The following ACBD6 variants were observed in gnomAD, a reference collection of about 807,000 sequenced individuals.
The protein encoded by ACBD6 is acyl-CoA-binding domain-containing protein 6.
ACBD6 carries 28 observed loss-of-function variants against 37.2 expected under a neutral mutation model. The ratio of observed to expected loss-of-function variants is 0.75; its 90% CI spans 0.56 to 1.03. ACBD6 has a LOEUF of 1.03. Among genes scored for constraint, ACBD6 ranks in the 50% least tolerant of loss-of-function variants. The pLI is 0.00. For synonymous variants in ACBD6, 113 were observed against 126.8 expected (o/e 0.89, Z 0.73); for missense variants, 340 against 337.4 (o/e 1.01, Z -0.06).
At chr1:180,473,660 G>C (rs1184809333) in intron 3 of ACBD6, among the ~76,000 whole-genome samples, 1 of 152,102 alleles carries the variant, frequency 6.6e-6, no homozygotes, top group Non-Finnish European at 1.5e-5. Flanking sequence ...GGATTGTTTG[G>C]AATACAAGTC....
rs74132806 is a variant in ACBD6, at chr1:180,387,289, G to A, written c.663+10227C>T. Among the ~76,000 whole-genome samples the A allele has an allele frequency of 6.7e-3, 1,014 of 152,234 alleles. 17 individuals carry two copies. Among genetic ancestry groups the A allele is most frequent in the African/African-American group, 0.023 (968 of 41,532 alleles). On this transcript the variant is annotated intron_variant, in intron 6 of 7. Transcript: ENST00000367595. ...ACTCTACATACAAGTTTAAAGCATT[G>A]CTTTCTCCAGCTCCCTCCTCTCTAA... is the stretch of plus-strand genomic sequence containing the variant.
intron 7 of ACBD6, among the ~76,000 whole-genome samples, chr1:180,290,826 G>T (rs1017014524): frequency 6.6e-6 from 1 of 152,204 alleles, no homozygotes; most frequent in African/African-American, 2.4e-5. Context: ...ACAAAGAGTT[G>T]AAAGTACAGA....
intron 8 of ACBD6, among the ~76,000 whole-genome samples, chr1:180,282,533 C>G (rs1649343546): frequency 1.3e-5 from 2 of 152,148 alleles, no homozygotes; most frequent in Non-Finnish European, 2.9e-5. Context: ...AGTTTATTAT[C>G]TCAGAAAAAC....
At chr1:180,295,427 T>C (rs1380478027) in intron 7 of ACBD6, among the ~76,000 whole-genome samples, 1 of 151,938 alleles carries the variant, frequency 6.6e-6, no homozygotes, top group Non-Finnish European at 1.5e-5. Flanking sequence ...TTGACAAGAG[T>C]GTTTTCATTT....
chr1:180,272,771 A>G (rs1218857932), intron 12 of ACBD6: 1 of 152,168 alleles, frequency 6.6e-6, no homozygotes, highest in African/African-American at 2.4e-5. Flanking sequence ...AAATCGATTC[A>G]CTTCTCTTGA....
At chr1:180,319,626 A>G (rs1340532266) in intron 6 of ACBD6, among the ~76,000 whole-genome samples, 1 of 152,126 alleles carries the variant, frequency 6.6e-6, no homozygotes, top group Non-Finnish European at 1.5e-5. Flanking sequence ...CATACCCATT[A>G]ACCATCCCAC....
At chr1:180,345,837 TG>T (rs1301466922) in intron 6 of ACBD6, among the ~76,000 whole-genome samples, 2 of 152,228 alleles carry the variant, frequency 1.3e-5, no homozygotes, top group East Asian at 1.9e-4. Flanking sequence ...TATGTCTATA[TG>T]TTTTTTTTAA....
intron 3 of ACBD6, among the ~76,000 whole-genome samples, chr1:180,486,027 T>A (rs547371652): frequency 1.5e-4 from 23 of 151,936 alleles, no homozygotes; most frequent in African/African-American, 5.5e-4. Flanking sequence ...AATACATGAA[T>A]GTTGAGAGAG....
intron 6 of ACBD6, among the ~76,000 whole-genome samples, chr1:180,378,860 T>C (rs930894089): frequency 6.6e-6 from 1 of 151,996 alleles, no homozygotes; most frequent in Non-Finnish European, 1.5e-5. Context: ...GTGGGGACCC[T>C]CTGCTTGGGT....
exon 14 of ACBD6, chr1:180,269,711 A>G (rs1648517443): frequency 6.6e-6 from 1 of 152,212 alleles, no homozygotes; most frequent in Non-Finnish European, 1.5e-5. Flanking sequence ...CAAGTGCACT[A>G]TTTCCCATTT....
intron 6 of ACBD6, among the ~76,000 whole-genome samples, chr1:180,343,846 A>T (rs1329662263): frequency 2.0e-5 from 3 of 152,178 alleles, no homozygotes; most frequent in Non-Finnish European, 2.9e-5. Flanking sequence ...AGGCAGGTGA[A>T]TCGCTTGAGC....
At chr1:180,430,705 TAAAAAA>T (rs11422663) in intron 3 of ACBD6, among the ~76,000 whole-genome samples, 1 of 141,026 alleles carries the variant, frequency 7.1e-6, no homozygotes, top group Admixed American at 7.0e-5. Flanking sequence ...GTTTTTGGGT[TAAAAAA>T]AAAAAAAAGG....
chr1:180,447,345 A>G (rs1649515163), intron 3 of ACBD6, among the ~76,000 whole-genome samples: 1 of 152,184 alleles, frequency 6.6e-6, no homozygotes, highest in Non-Finnish European at 1.5e-5. Flanking sequence ...TAATATGGTC[A>G]ACAGAACTCC....
At chr1:180,474,145 T>A (rs576497599) in intron 3 of ACBD6, among the ~76,000 whole-genome samples, 1 of 152,306 alleles carries the variant, frequency 6.6e-6, no homozygotes, top group East Asian at 1.9e-4. Flanking sequence ...ATTTACAATT[T>A]CCAATTTATT....
At chr1:180,491,579 C>T (rs1651504264) in intron 3 of ACBD6, among the ~76,000 whole-genome samples, 1 of 152,080 alleles carries the variant, frequency 6.6e-6, no homozygotes, top group Admixed American at 6.6e-5. Flanking sequence ...TACATAATGG[C>T]AGAAATCATG....
At chr1:180,295,228 G>A (rs546503251) in intron 7 of ACBD6, among the ~76,000 whole-genome samples, 1 of 150,700 alleles carries the variant, frequency 6.6e-6, no homozygotes, top group East Asian at 2.0e-4. Context: ...TTTTCTAATA[G>A]TATTTAATTT....
chr1:180,494,195 A>G (rs1449955741), intron 2 of ACBD6, among the ~76,000 whole-genome samples: 1 of 152,180 alleles, frequency 6.6e-6, no homozygotes, highest in Non-Finnish European at 1.5e-5. Flanking sequence ...CAGTTCCCCA[A>G]TATTTTATCA....
intron 6 of ACBD6, among the ~76,000 whole-genome samples, chr1:180,332,866 T>C (rs551375253): frequency 1.1e-3 from 161 of 152,284 alleles, no homozygotes; most frequent in Non-Finnish European, 2.0e-3. Context: ...AAATGACCTT[T>C]TCTTAGTTAA....
At chr1:180,429,043 A>G (rs1342600880) in intron 4 of ACBD6, among the ~76,000 whole-genome samples, 3 of 152,196 alleles carry the variant, frequency 2.0e-5, no homozygotes, top group Non-Finnish European at 2.9e-5. Context: ...CTGAAGATCT[A>G]CTAAGTTTGG....
Sources: gnomAD v4.1 joint callset for allele counts (sites outside exome capture counted in the v4.1 genomes callset) on GRCh38, gnomAD v4.1.1 for gene constraint, MANE v1.5 for transcripts, NCBI Gene and HGNC (gene_info 2026-07-23, HGNC 2026-07-21) for gene names.